QSER1: variants seen among roughly 807,000 people sequenced by gnomAD.
QSER1 encodes glutamine and serine-rich protein 1.
Under a neutral mutation model 158.5 loss-of-function variants are expected in QSER1, and 49 were observed. The ratio of observed to expected loss-of-function variants is 0.31; its 90% CI spans 0.25 to 0.39. QSER1 has a LOEUF of 0.39. Among genes scored for constraint, QSER1 ranks in the 10% least tolerant of loss-of-function variants. The pLI is 1.00. For synonymous variants in QSER1, 650 were observed against 715.5 expected (o/e 0.91, Z 1.46); for missense variants, 1,754 against 2,010.3 (o/e 0.87, Z 2.44).
rs939628369 is a variant in QSER1, at chr11:32,979,820, G to A, written c.*3346G>A. On this transcript the variant is annotated 3_prime_UTR_variant, in exon 13 of 13. Transcript: ENST00000650167. Reference sequence around the variant, plus strand: ...CCTATAAAACCAATATAACAGCAGGGTTATTGAAGCAGCTTTCTCAAATGT... The same window carrying A: ...CCTATAAAACCAATATAACAGCAGGATTATTGAAGCAGCTTTCTCAAATGT... 2 of 152,140 alleles carry A rather than the reference G, an allele frequency of 1.3e-5. No homozygotes were observed. Among genetic ancestry groups the A allele is most frequent in the Admixed American group, 1.3e-4 (2 of 15,274 alleles). 9.4% of individuals were successfully genotyped at this position (152,140 alleles called of 1,614,324 possible).
intron 1 of QSER1, among the ~76,000 whole-genome samples, chr11:32,898,529 CAT>C (rs1271303909): frequency 7.1e-6 from 1 of 140,444 alleles, no homozygotes; most frequent in Non-Finnish European, 1.6e-5. Flanking sequence ...CACACACACA[CAT>C]TGTAATGTGC....
intron 4 of QSER1, among the ~76,000 whole-genome samples, chr11:32,938,028 GTTCA>G (rs924266402): frequency 6.6e-6 from 1 of 152,146 alleles, no homozygotes; most frequent in Non-Finnish European, 1.5e-5. Context: ...GTTTTAATGT[GTTCA>G]TTTACATTTG....
At chr11:32,900,194 G>T (rs1851606776) in intron 1 of QSER1, among the ~76,000 whole-genome samples, 1 of 152,124 alleles carries the variant, frequency 6.6e-6, no homozygotes. Flanking sequence ...GCAACAGCCA[G>T]AATTAACTTT....
rs1342054944 is a variant in QSER1, at chr11:32,893,323, C to T, written c.198C>T (p.Ser66=). Residue 66 remains serine (S), a synonymous_variant, in exon 1 of 13, where the codon AGC becomes AGT. Transcript: ENST00000650167. This position sits in a 1 kb window ranked among gnomAD's most constrained non-coding sequence, Gnocchi z 4.7. ...GCTGCAGTAGCGGCAGCAGCCCCAG[C>T]CTCAAGGCCAGGTAGGGAGGGTGGG... ...SGSCSSGSSP[S]LKASLSYEEG... is the part of the protein sequence containing the mutation. 1 of 152,932 alleles carries T rather than the reference C, an allele frequency of 6.5e-6. No individual in the cohort carries two copies. Among genetic ancestry groups the T allele is most frequent in the Non-Finnish European group, 1.5e-5 (1 of 68,116 alleles). 9.5% of individuals were successfully genotyped at this position (152,932 alleles called of 1,614,324 possible). A position where few individuals can be genotyped will look rare whatever the true frequency, so the allele number is the denominator to read the frequency against.
At chr11:32,919,992 T>C (rs1305361523) in intron 1 of QSER1, among the ~76,000 whole-genome samples, 1 of 152,204 alleles carries the variant, frequency 6.6e-6, no homozygotes, top group African/African-American at 2.4e-5. Context: ...ACTTTCTTAC[T>C]TTCTGGCACT....
Position 32,954,144 on chromosome 11 carries a change from T to A in QSER1, c.4465T>A (p.Phe1489Ile). ...GEGQYRERDEFVVKIEDIETF... is the reference protein window; with the variant it reads ...GEGQYRERDEIVVKIEDIETF... Reference sequence around the variant, plus strand: ...AGGCCAATACAGAGAGCGTGATGAATTTGTGGTAAAGATAGAAGACATAGA... The same window carrying A: ...AGGCCAATACAGAGAGCGTGATGAAATTGTGGTAAAGATAGAAGACATAGA... Residue 1489 changes from phenylalanine (F) to isoleucine (I), a missense_variant, in exon 5 of 13, where the codon TTT (phenylalanine) becomes ATT (isoleucine). Transcript: ENST00000650167. 6.2e-7 allele frequency: 1 copy of A among 1,613,772 alleles called. No homozygotes were observed. The highest frequency in any genetic ancestry group is 8.5e-7 in the Non-Finnish European group (1 of 1,179,978).
At chr11:32,949,382 A>G (rs953741945) in intron 4 of QSER1, among the ~76,000 whole-genome samples, 1 of 152,196 alleles carries the variant, frequency 6.6e-6, no homozygotes. Flanking sequence ...TTATATGAAC[A>G]TGGTTTCTAA....
chr11:32,927,190 T>A lies in QSER1; in HGVS notation c.243T>A (p.Ser81=), dbSNP rs1342115779. ...LSYEEGHPSH[S]ETDLLQRQSF... ...ATGAAGAAGGACATCCCTCACACTC[T>A]GAAACAGATCTCCTTCAGAGACAGA... The change falls in exon 2 of 13, where the codon TCT becomes TCA. Residue 81 remains serine (S), a synonymous_variant. Coordinates refer to ENST00000650167, the MANE Select transcript of QSER1 (RefSeq NM_001076786.3). The A allele has an allele frequency of 6.6e-6, 1 of 152,640 alleles. No homozygotes were observed. Among genetic ancestry groups the A allele is most frequent in the Non-Finnish European group, 1.5e-5 (1 of 68,046 alleles). 9.5% of individuals were successfully genotyped at this position (152,640 alleles called of 1,614,324 possible). A position where few individuals can be genotyped will look rare whatever the true frequency, so the allele number is the denominator to read the frequency against.
At chr11:32,963,095 C>T (rs548749700) in intron 8 of QSER1, among the ~76,000 whole-genome samples, 1 of 152,274 alleles carries the variant, frequency 6.6e-6, no homozygotes, top group South Asian at 2.1e-4. Flanking sequence ...GACATCTATT[C>T]AAGAATAGAA....
chr11:32,974,012 GTTTA>G (rs1383458059), intron 11 of QSER1, among the ~76,000 whole-genome samples: 1 of 152,172 alleles, frequency 6.6e-6, no homozygotes, highest in Non-Finnish European at 1.5e-5. Flanking sequence ...AAGATGAAAT[GTTTA>G]TTTCATATCT....
chr11:32,973,315 A>C (rs1447459597), intron 10 of QSER1, 82 bp from the exon 11 acceptor site: 2 of 1,445,412 alleles, frequency 1.4e-6, no homozygotes, highest in Non-Finnish European at 1.9e-6. Context: ...GTGTGCACAC[A>C]CACTTCTAAA....
intron 7 of QSER1, 151 bp downstream of exon 7, chr11:32,956,272 T>C: frequency 3.0e-6 from 2 of 677,038 alleles, no homozygotes; most frequent in East Asian, 5.7e-5. Context: ...GTGATTCTTT[T>C]GAAGGCATGA....
rs972618817 is a variant in QSER1, at chr11:32,893,976, T to G, written c.209+642T>G. Among the ~76,000 whole-genome samples the G allele has an allele frequency of 2.0e-5, 3 of 152,090 alleles. No individual in the cohort carries two copies. The highest frequency in any genetic ancestry group is 7.2e-5 in the African/African-American group (3 of 41,428). ...CGATTTTTCTTCCACGCGTTCAAAG[T>G]TGCTCTTAGGTTTCCTCCCCTTTTA... On this transcript the variant is annotated intron_variant, in intron 1 of 12. Coordinates refer to ENST00000650167, the MANE Select transcript of QSER1 (RefSeq NM_001076786.3). The surrounding 1 kb of genome is among the most constrained non-coding windows in gnomAD (Gnocchi z 4.7).
At chr11:32,921,829 T>G (rs561192438) in intron 1 of QSER1, among the ~76,000 whole-genome samples, 84 of 152,312 alleles carry the variant, frequency 5.5e-4, no homozygotes, top group African/African-American at 1.9e-3. Flanking sequence ...TTGGAAGATT[T>G]GTGTTATTGA....
intron 8 of QSER1, among the ~76,000 whole-genome samples, chr11:32,964,176 T>TA (rs1852681505): frequency 6.6e-6 from 1 of 152,006 alleles, no homozygotes; most frequent in Non-Finnish European, 1.5e-5. Flanking sequence ...GATCTCACTA[T>TA]ATTGCCTGGG....
intron 1 of QSER1, among the ~76,000 whole-genome samples, chr11:32,914,989 G>A (rs750686917): frequency 1.3e-5 from 2 of 152,114 alleles, no homozygotes; most frequent in Non-Finnish European, 2.9e-5. Flanking sequence ...GCCTGATCAT[G>A]GCTCACTGTA....
intron 4 of QSER1, among the ~76,000 whole-genome samples, chr11:32,945,348 T>A (rs1852311872): frequency 6.6e-6 from 1 of 152,072 alleles, no homozygotes; most frequent in Admixed American, 6.6e-5. Context: ...TCTTTACATT[T>A]TGGCATGATT....
chr11:32,939,521 TG>T lies in QSER1; in HGVS notation c.4177+4088del, dbSNP rs149703864. On this transcript the variant is annotated intron_variant, in intron 4 of 12. Coordinates refer to ENST00000650167, the MANE Select transcript of QSER1 (RefSeq NM_001076786.3). ...TACTGAGTAATTTTGGATTTTATCTTGGACATTTTGAGTACTGTATTGTAAA... is the reference window on the plus strand; with the variant it reads ...TACTGAGTAATTTTGGATTTTATCTTGACATTTTGAGTACTGTATTGTAAA... 1.2e-3 allele frequency among the ~76,000 whole-genome samples: 178 copies of T among 152,314 alleles called. 4 individuals carry two copies. The East Asian group carries it at 0.028, about 24-fold the overall frequency.
At chr11:32,918,652 T>C (rs1851864974) in intron 1 of QSER1, among the ~76,000 whole-genome samples, 1 of 151,694 alleles carries the variant, frequency 6.6e-6, no homozygotes, top group African/African-American at 2.4e-5. Flanking sequence ...TTTTACCTTT[T>C]TAAGAGAATG....
Sources: allele counts gnomAD v4.1 joint callset (sites outside exome capture counted in the v4.1 genomes callset), GRCh38; gene constraint gnomAD v4.1.1; non-coding constraint Gnocchi (gnomAD v3.1); transcripts MANE v1.5; gene names NCBI Gene and HGNC (gene_info 2026-07-23, HGNC 2026-07-21).